The following GALNTL6 variants were observed in gnomAD, a reference collection of about 807,000 sequenced individuals.
GALNTL6 encodes polypeptide N-acetylgalactosaminyltransferase-like 6.
GALNTL6 carries 46 observed loss-of-function variants against 73.7 expected under a neutral mutation model. The ratio of observed to expected loss-of-function variants is 0.62; its 90% confidence interval spans 0.49 to 0.80. GALNTL6 has a LOEUF of 0.80. Among genes scored for constraint, GALNTL6 ranks in the 30% least tolerant of loss-of-function variants. The probability of loss-of-function intolerance (pLI) is 0.00; values close to 1 mark genes in which losing one functional copy is unlikely to be tolerated. For missense variants in GALNTL6, 604 were observed against 755.0 expected, an observed-to-expected ratio of 0.80 and a Z score of 2.34; for synonymous variants, 259 against 263.7, an observed-to-expected ratio of 0.98 and a Z score of 0.17.
chr4:172,343,835 G>C (rs999791326), intron 4 of GALNTL6, among the ~76,000 whole-genome samples: 1 of 151,770 alleles, frequency 6.6e-6, no homozygotes, highest in Non-Finnish European at 1.5e-5. Flanking sequence ...TTTCTCTCAA[G>C]TAAATTTTTA....
intron 5 of GALNTL6, among the ~76,000 whole-genome samples, chr4:172,648,510 C>A (rs927479721): frequency 1.3e-5 from 2 of 152,048 alleles, no homozygotes; most frequent in African/African-American, 4.8e-5. Context: ...CCATTTTATT[C>A]ATAAGAAAAC....
chr4:172,957,592 T>G (rs1278922706), intron 10 of GALNTL6, among the ~76,000 whole-genome samples: 1 of 152,326 alleles, frequency 6.6e-6, no homozygotes, highest in South Asian at 2.1e-4. Flanking sequence ...TTGCAGTGAA[T>G]GACTCTAGCT....
intron 2 of GALNTL6, among the ~76,000 whole-genome samples, chr4:171,897,605 G>A (rs543637704): frequency 6.6e-6 from 1 of 152,086 alleles, no homozygotes; most frequent in African/African-American, 2.4e-5. Context: ...TGTGGATCAC[G>A]AGGTCAGGAG....
chr4:172,459,208 G>A (rs1341672087), intron 5 of GALNTL6, among the ~76,000 whole-genome samples: 1 of 152,100 alleles, frequency 6.6e-6, no homozygotes, highest in Non-Finnish European at 1.5e-5. Context: ...GTGTTGGAAT[G>A]TATCTCAAAA....
chr4:171,913,701 T>C (rs1317349301), intron 2 of GALNTL6, among the ~76,000 whole-genome samples: 1 of 152,224 alleles, frequency 6.6e-6, no homozygotes, highest in Non-Finnish European at 1.5e-5. Flanking sequence ...CACACACATA[T>C]TAGCTGTTGC....
At chr4:173,035,415 T>C (rs1206453517) in intron 12 of GALNTL6, among the ~76,000 whole-genome samples, 1 of 152,190 alleles carries the variant, frequency 6.6e-6, no homozygotes, top group African/African-American at 2.4e-5. Context: ...TGACCTCAGG[T>C]GATCCGCCCG....
intron 5 of GALNTL6, among the ~76,000 whole-genome samples, chr4:172,676,316 G>A (rs2111219026): frequency 6.6e-6 from 1 of 152,324 alleles, no homozygotes; most frequent in South Asian, 2.1e-4. Flanking sequence ...TTTAAGTCTT[G>A]TAAATTACAT....
chr4:172,252,877 T>A (rs964297101), intron 3 of GALNTL6, among the ~76,000 whole-genome samples: 3 of 151,004 alleles, frequency 2.0e-5, no homozygotes, highest in African/African-American at 7.3e-5. Flanking sequence ...AGGATAGCAA[T>A]GAAAGATTAA....
At chr4:172,476,795 A>G (rs569674258) in intron 5 of GALNTL6, among the ~76,000 whole-genome samples, 1 of 152,368 alleles carries the variant, frequency 6.6e-6, no homozygotes, top group South Asian at 2.1e-4. Flanking sequence ...TTGATTAATA[A>G]GGTAGAATAT....
At chr4:172,365,363 G>A (rs771272809) in intron 5 of GALNTL6, among the ~76,000 whole-genome samples, 7 of 152,086 alleles carry the variant, frequency 4.6e-5, no homozygotes, top group Non-Finnish European at 8.8e-5. Context: ...GGTCGGAGAT[G>A]TCATTTGTGG....
chr4:172,618,907 A>C (rs558839245), intron 5 of GALNTL6, among the ~76,000 whole-genome samples: 1 of 152,150 alleles, frequency 6.6e-6, no homozygotes, highest in South Asian at 2.1e-4. Context: ...TATTTTTAAT[A>C]AAGACGGGGT....
intron 7 of GALNTL6, among the ~76,000 whole-genome samples, chr4:172,838,232 G>A (rs1448880223): frequency 1.3e-5 from 2 of 152,210 alleles, no homozygotes; most frequent in Admixed American, 6.5e-5. Flanking sequence ...GATTGTGAAG[G>A]TGATCAGGAA....
intron 2 of GALNTL6, among the ~76,000 whole-genome samples, chr4:172,219,189 T>A (rs1202373331): frequency 2.0e-5 from 1 of 50,568 alleles, no homozygotes; most frequent in Non-Finnish European, 3.9e-5. Context: ...ATATGTCAGA[T>A]TAAGCAAGTG....
intron 5 of GALNTL6, among the ~76,000 whole-genome samples, chr4:172,391,503 G>T (rs745525753): frequency 2.0e-5 from 3 of 152,110 alleles, no homozygotes; most frequent in Non-Finnish European, 4.4e-5. Context: ...ACCGTGCCTG[G>T]CTCAGAAGCC....
chr4:172,252,918 G>A (rs1306273445), intron 3 of GALNTL6, among the ~76,000 whole-genome samples: 3 of 151,640 alleles, frequency 2.0e-5, no homozygotes, highest in East Asian at 1.9e-4. Flanking sequence ...ATATAAGGAG[G>A]GGCATCATGT....
intron 5 of GALNTL6, among the ~76,000 whole-genome samples, chr4:172,718,053 T>C (rs1735217354): frequency 6.6e-6 from 1 of 152,252 alleles, no homozygotes; most frequent in African/African-American, 2.4e-5. Context: ...ATATTAAGAA[T>C]GTTTACTTAC....
intron 5 of GALNTL6, among the ~76,000 whole-genome samples, chr4:172,675,249 G>C (rs896990648): frequency 6.6e-6 from 1 of 152,144 alleles, no homozygotes. Flanking sequence ...CCAGTTCTCA[G>C]GTCCCAACTC....
At chr4:172,714,885 A>G (rs1012102931) in intron 5 of GALNTL6, among the ~76,000 whole-genome samples, 3 of 152,180 alleles carry the variant, frequency 2.0e-5, no homozygotes, top group Non-Finnish European at 4.4e-5. Context: ...TGATCCAAAT[A>G]TAAAATTTTG....
chr4:172,051,422 G>A (rs1484905514), intron 2 of GALNTL6, among the ~76,000 whole-genome samples: 1 of 152,138 alleles, frequency 6.6e-6, no homozygotes, highest in Non-Finnish European at 1.5e-5. Context: ...GGACTTGAAG[G>A]ATAAATGCAG....
Sources: gnomAD v4.1 joint callset for allele counts (sites outside exome capture counted in the v4.1 genomes callset) on GRCh38, gnomAD v4.1.1 for gene constraint, MANE v1.5 for transcripts, NCBI Gene and HGNC (gene_info 2026-07-23, HGNC 2026-07-21) for gene names.